Variants in ZFHX2 observed in about 807,000 individuals in gnomAD.
The protein encoded by ZFHX2 is zinc finger homeobox protein 2.
Under a neutral mutation model 164.8 loss-of-function variants are expected in ZFHX2, and 75 were observed. The ratio of observed to expected loss-of-function variants is 0.46; its 90% CI spans 0.38 to 0.55. ZFHX2 has a LOEUF of 0.55. ZFHX2 is among the 20% of genes least tolerant of loss of function. The pLI, the probability that ZFHX2 is intolerant of heterozygous loss-of-function variation, is 0.00. For synonymous variants in ZFHX2, 1,217 were observed against 1,351.4 expected, an observed-to-expected ratio of 0.90 and a Z score of 2.18; for missense variants, 2,933 against 3,308.0, an observed-to-expected ratio of 0.89 and a Z score of 2.78.
rs2138900805 is a variant in ZFHX2, at chr14:23,546,151, C to A, written c.-50+5192G>T. ...AACGTGCTCCACAGGACCAGACTCT[C>A]CATGCATAAACTGCTCTGCAGAGAG... On this transcript the variant is annotated intron_variant, in intron 1 of 9. Coordinates refer to ENST00000419474, the MANE Select transcript of ZFHX2 (RefSeq NM_033400.3). This position sits in a 1 kb window ranked among gnomAD's most constrained non-coding sequence, Gnocchi z 4.7. Among the ~76,000 whole-genome samples, 1 of 152,324 alleles carries A rather than the reference C, an allele frequency of 6.6e-6. No homozygotes were observed. Among genetic ancestry groups the A allele is most frequent in the South Asian group, 2.1e-4 (1 of 4,824 alleles).
At chr14:23,547,381 T>C (rs1881500578) in intron 1 of ZFHX2, among the ~76,000 whole-genome samples, 1 of 152,258 alleles carries the variant, frequency 6.6e-6, no homozygotes, top group South Asian at 2.1e-4. Flanking sequence ...CCAATTCAAT[T>C]GTAGTTTCAT....
In ZFHX2 at chr14:23,534,870, C is replaced by G; in HGVS notation, c.456G>C (p.Glu152Asp). 1 of 1,536,118 alleles carries G rather than the reference C, an allele frequency of 6.5e-7. No homozygotes were observed. The change falls in exon 2 of 10, where the codon GAG becomes GAC. Residue 152 changes from glutamate (E) to aspartate (D), a missense_variant. By Grantham distance (45) the Glu-to-Asp change is conservative. Transcript: ENST00000419474. The surrounding 1 kb of genome is among the most constrained non-coding windows in gnomAD (Gnocchi z 4.5). ...FPWGEAGIKE[E>D]PSLPFLAYPP... ...GGTAGGCAAGGAAGGGCAGACTGGGCTCTTCCTTGATGCCCGCCTCACCCC... is the reference window on the plus strand; with the variant it reads ...GGTAGGCAAGGAAGGGCAGACTGGGGTCTTCCTTGATGCCCGCCTCACCCC...
Position 23,524,150 on chromosome 14 carries a change from G to C in ZFHX2, c.5792C>G (p.Pro1931Arg). The change falls in exon 9 of 10, where the codon CCG (proline) becomes CGG (arginine). Residue 1931 changes from proline to arginine, a missense_variant. Physicochemically the swap from Pro to Arg is moderately radical, Grantham distance 103 (BLOSUM62 -2). Coordinates refer to ENST00000419474, the MANE Select transcript of ZFHX2 (RefSeq NM_033400.3). The surrounding 1 kb of genome is among the most constrained non-coding windows in gnomAD (Gnocchi z 5.6). Reference sequence around the variant, plus strand: ...GGATGCAGGGGTGGCTGTGGCAGGCGGTTTCACTGCTGGACTAGGCACCCC... The same window carrying C: ...GGATGCAGGGGTGGCTGTGGCAGGCCGTTTCACTGCTGGACTAGGCACCCC... ...PGGVPSPAVK[P>R]PATATPASLP... 1 of 1,535,972 alleles carries C rather than the reference G, an allele frequency of 6.5e-7. No individual in the cohort carries two copies. The highest frequency in any genetic ancestry group is 8.7e-7 in the Non-Finnish European group (1 of 1,146,842).
rs1878217980 is a variant in ZFHX2, at chr14:23,522,960, G to T, written c.6740-19C>A. ...GCCGGGCCTAGAAAGGTGAAAGGAA[G>T]GATGAAGGATTAGCCATCTCCTGTC... is the stretch of plus-strand genomic sequence containing the variant. On this transcript the variant is annotated intron_variant, in intron 9 of 9. Transcript: ENST00000419474. 8 of 1,435,882 alleles carry T rather than the reference G, an allele frequency of 5.6e-6. No homozygotes were observed. The highest frequency in any genetic ancestry group is 1.5e-5 in the South Asian group (1 of 67,684). The allele number at this position is 1,435,882 out of a possible 1,614,324, so 88.9% of individuals were successfully genotyped here.
At chr14:23,526,734 C>G (rs987449864) in intron 8 of ZFHX2, 55 bp from the exon 9 acceptor site, 2 of 1,534,450 alleles carry the variant, frequency 1.3e-6, no homozygotes, top group African/African-American at 2.7e-5. Flanking sequence ...AAGCCAGACC[C>G]CACCCACTCA....
Position 23,535,023 on chromosome 14 carries a change from TTCC to T in ZFHX2, c.300_302del (p.Glu103del), listed in dbSNP as rs1566587331. ...GGTCCATGGGAGGGAGCCCTTCTTC[TTCC>T]TCCTCCTGCTCCTTGTCCTTTTCCA... On this transcript the variant is annotated inframe_deletion, in exon 2 of 10. Coordinates refer to ENST00000419474, the MANE Select transcript of ZFHX2 (RefSeq NM_033400.3). This position sits in a 1 kb window ranked among gnomAD's most constrained non-coding sequence, Gnocchi z 4.5. 1.3e-6 allele frequency: 2 copies of T among 1,536,160 alleles called. No individual in the cohort carries two copies. Among genetic ancestry groups the T allele is most frequent in the Non-Finnish European group, 8.7e-7 (1 of 1,146,864 alleles).
rs769604051 is a variant in ZFHX2 at position 23,546,500 on chromosome 14, T to C, written c.-50+4843A>G. Among the ~76,000 whole-genome samples, 5 of 152,022 alleles carry C rather than the reference T, an allele frequency of 3.3e-5. No homozygotes were observed. The highest frequency in any genetic ancestry group is 5.9e-5 in the Non-Finnish European group (4 of 68,010). ...CCTGTCACCCCTTAACAACTGCACA[T>C]GAGGACCCTGGTCTCTGGACTAGTT... On this transcript the variant is annotated intron_variant, in intron 1 of 9. Coordinates refer to ENST00000419474, the MANE Select transcript of ZFHX2 (RefSeq NM_033400.3). This position sits in a 1 kb window ranked among gnomAD's most constrained non-coding sequence, Gnocchi z 4.7.
rs1881180179 is a variant in ZFHX2, at chr14:23,544,603, T to C, written c.-50+6740A>G. 2.6e-5 allele frequency among the ~76,000 whole-genome samples: 4 copies of C among 152,160 alleles called. No individual in the cohort carries two copies. The South Asian group carries it at 8.3e-4, about 31-fold the overall frequency. On this transcript the variant is annotated intron_variant, in intron 1 of 9. Coordinates refer to ENST00000419474, the MANE Select transcript of ZFHX2 (RefSeq NM_033400.3). ...CCCTTTCAGTAGTAGGGTATCCTGT[T>C]CAGTGTGTTGCTGTGAGCCCGTATG...
In ZFHX2 at chr14:23,533,519, C is replaced by T. The variant is rs748753166; in HGVS notation, c.1807G>A (p.Gly603Arg). ...CCAGGTGGCAGGCCCAGCGGCAGCCCCTGGTGCAGCATTAGGACATTCTGC... is the reference window on the plus strand; with the variant it reads ...CCAGGTGGCAGGCCCAGCGGCAGCCTCTGGTGCAGCATTAGGACATTCTGC... ...HMQNVLMLHQ[G>R]LPLGLPPGLM... The change falls in exon 2 of 10, where the codon GGG becomes AGG. Residue 603 changes from glycine to arginine, a missense_variant. Transcript: ENST00000419474. This position sits in a 1 kb window ranked among gnomAD's most constrained non-coding sequence, Gnocchi z 4.8. The T allele has an allele frequency of 9.1e-6, 14 of 1,535,970 alleles. 1 individual carries two copies. In the South Asian group the frequency reaches 1.5e-4, roughly 17 times the overall value.
chr14:23,541,330 C>T (rs1226177626), intron 1 of ZFHX2, among the ~76,000 whole-genome samples: 1 of 150,744 alleles, frequency 6.6e-6, no homozygotes, highest in Non-Finnish European at 1.5e-5. Flanking sequence ...CTCTTGTTGC[C>T]CAGGCTGGAG....
At chr14:23,541,940 G>A (rs147245218) in intron 1 of ZFHX2, among the ~76,000 whole-genome samples, 167 of 152,210 alleles carry the variant, frequency 1.1e-3, no homozygotes, top group African/African-American at 3.9e-3. Flanking sequence ...TATTTAAGGA[G>A]AGCTTACTTT....
chr14:23,533,112 C>G lies in ZFHX2; in HGVS notation c.2042-28G>C, dbSNP rs1879765769. 3 of 1,486,594 alleles carry G rather than the reference C, an allele frequency of 2.0e-6. No individual in the cohort carries two copies. Among genetic ancestry groups the G allele is most frequent in the Non-Finnish European group, 2.7e-6 (3 of 1,120,110 alleles). The allele number at this position is 1,486,594 out of a possible 1,614,324, so 92.1% of individuals were successfully genotyped here. On this transcript the variant is annotated intron_variant, in intron 2 of 9. Coordinates refer to ENST00000419474, the MANE Select transcript of ZFHX2 (RefSeq NM_033400.3). The surrounding 1 kb of genome is among the most constrained non-coding windows in gnomAD (Gnocchi z 4.8). ...AGAGGACAGAGACAGATTAGTGGCCCAAGAAAGAAATGGGGCACGGTTGGT... is the reference window on the plus strand; with the variant it reads ...AGAGGACAGAGACAGATTAGTGGCCGAAGAAAGAAATGGGGCACGGTTGGT...
chr14:23,552,838 G>GTGATCCTGGTCTCGAACTCC, upstream of ZFHX2, among the ~76,000 whole-genome samples: 1 of 152,244 alleles, frequency 6.6e-6, no homozygotes, highest in Middle Eastern at 3.4e-3. Context: ...CTGACCTCAG[G>GTGATCCTGGTCTCGAACTCC]TGATCCACCG....
Position 23,531,554 on chromosome 14 carries a change from G to A in ZFHX2, c.2727C>T (p.Gly909=). Residue 909 remains glycine (G), a synonymous_variant, in exon 4 of 10, where the codon GGC becomes GGT. Coordinates refer to ENST00000419474, the MANE Select transcript of ZFHX2 (RefSeq NM_033400.3). ...AQRRLQLLQN[G]PTTEEGLAAL... ...CTGCGAGTCCTTCCTCAGTGGTTGG[G>A]CCATTCTGTAGCAGCTGCAGACGCC... The A allele has an allele frequency of 4.6e-6, 7 of 1,522,998 alleles. No homozygotes were observed. Among genetic ancestry groups the A allele is most frequent in the Non-Finnish European group, 5.3e-6 (6 of 1,138,670 alleles). The allele number at this position is 1,522,998 out of a possible 1,614,324, so 94.3% of individuals were successfully genotyped here.
intron 7 of ZFHX2, among the ~76,000 whole-genome samples, chr14:23,527,304 A>G (rs988673579): frequency 6.6e-6 from 1 of 152,220 alleles, no homozygotes; most frequent in African/African-American, 2.4e-5. Context: ...TCTCTTAAGT[A>G]GAGGCAGCTA....
chr14:23,523,344 C>T lies in ZFHX2; in HGVS notation c.6598G>A (p.Ala2200Thr). The T allele has an allele frequency of 6.8e-7, 1 of 1,465,830 alleles. No individual in the cohort carries two copies. The highest frequency in any genetic ancestry group is 1.4e-5 in the African/African-American group (1 of 71,090). 90.8% of individuals were successfully genotyped at this position (1,465,830 alleles called of 1,614,324 possible). A position where few individuals can be genotyped will look rare whatever the true frequency, so the allele number is the denominator to read the frequency against. The change falls in exon 9 of 10, where the codon GCT becomes ACT. Residue 2200 changes from alanine (A) to threonine (T), a missense_variant. Ala to Thr is a moderately conservative substitution (Grantham distance 58, BLOSUM62 0). Transcript: ENST00000419474. The surrounding 1 kb of genome is among the most constrained non-coding windows in gnomAD (Gnocchi z 4.1). ...DLAPAPEAPP[A>T]LKAPPATTPA... ...GTGGTGGCAGGTGGGGCCTTGAGAG[C>T]TGGGGGAGCCTCAGGTGCTGGGGCC...
At chr14:23,536,903 C>T (rs1004808585) in intron 1 of ZFHX2, among the ~76,000 whole-genome samples, 9 of 152,210 alleles carry the variant, frequency 5.9e-5, no homozygotes, top group South Asian at 2.1e-4. Context: ...TTTGGGAGGC[C>T]GAGGCAGGCA....
intron 6 of ZFHX2, chr14:23,528,541 A>G (rs1485169745): frequency 2.1e-6 from 2 of 951,048 alleles, no homozygotes; most frequent in Admixed American, 6.2e-5. Flanking sequence ...AAATGGTTCC[A>G]TTTCCTCTGG....
In ZFHX2 at chr14:23,521,683, G is replaced by T. The variant is rs919877857; in HGVS notation, c.*279C>A. The T allele has an allele frequency of 1.4e-5, 6 of 430,876 alleles. No individual in the cohort carries two copies. In the East Asian group the frequency reaches 2.5e-4, roughly 18 times the overall value. The allele number at this position is 430,876 out of a possible 1,614,324, so 26.7% of individuals were successfully genotyped here. On this transcript the variant is annotated 3_prime_UTR_variant, in exon 10 of 10. Coordinates refer to ENST00000419474, the MANE Select transcript of ZFHX2 (RefSeq NM_033400.3). The stretch of plus-strand genomic sequence containing the variant: ...AGGCAGACATGTATGAATAATCAGG[G>T]TGCCAAGATGGGTGTATGTGTCTGT...
Sources: gnomAD v4.1 joint callset for allele counts (sites outside exome capture counted in the v4.1 genomes callset) on GRCh38, gnomAD v4.1.1 for gene constraint, Gnocchi (gnomAD v3.1) non-coding constraint, MANE v1.5 for transcripts, NCBI Gene and HGNC (gene_info 2026-07-23, HGNC 2026-07-21) for gene names.